The following MCC variants were observed in gnomAD, a reference collection of about 807,000 sequenced individuals.
MCC encodes the protein colorectal mutant cancer protein.
A neutral mutation model predicts 116.2 loss-of-function variants in MCC; 90 were observed. The ratio of observed to expected loss-of-function variants is 0.77; its 90% CI spans 0.65 to 0.92. The LOEUF (loss-of-function observed/expected upper bound fraction) is 0.92. MCC is among the 40% of genes least tolerant of loss of function. The pLI, the probability that MCC is intolerant of heterozygous loss-of-function variation, is 0.00. For missense variants in MCC, 1,516 were observed against 1,312.2 expected, an observed-to-expected ratio of 1.16 and a Z score of -2.40; for synonymous variants, 578 against 510.5, an observed-to-expected ratio of 1.13 and a Z score of -1.78.
At chr5:113,334,222 TG>T (rs958883025) in intron 3 of MCC, among the ~76,000 whole-genome samples, 1 of 150,012 alleles carries the variant, frequency 6.7e-6, no homozygotes, top group East Asian at 1.9e-4. Flanking sequence ...ATACACTTTT[TG>T]GGGGGATAGG....
chr5:113,416,784 A>G (rs371364785), intron 1 of MCC, among the ~76,000 whole-genome samples: 16 of 152,296 alleles, frequency 1.1e-4, no homozygotes, highest in African/African-American at 3.4e-4. Context: ...TACTTCTTCA[A>G]TAATAAACAG....
At position 113,022,960 on chromosome 5, in the gene MCC, A is replaced by G. The variant is rs1217329194; in HGVS notation, c.*4342T>C. On this transcript the variant is annotated 3_prime_UTR_variant, in exon 19 of 19. Coordinates refer to ENST00000408903, the MANE Select transcript of MCC (RefSeq NM_001085377.2). ...CAGTGTAACCTTTAAGCAAAAATGT[A>G]TGGTGATCTGCATGTGAAACTGTCT... is the stretch of plus-strand genomic sequence containing the variant. The G allele has an allele frequency of 6.6e-6, 1 of 152,240 alleles. No homozygotes were observed. Among genetic ancestry groups the G allele is most frequent in the Non-Finnish European group, 1.5e-5 (1 of 68,036 alleles). The allele number at this position is 152,240 out of a possible 1,614,324, so 9.4% of individuals were successfully genotyped here.
At chr5:113,087,659 A>G (rs1417180109) in intron 8 of MCC, among the ~76,000 whole-genome samples, 6 of 152,296 alleles carry the variant, frequency 3.9e-5, no homozygotes, top group Admixed American at 1.3e-4. Context: ...TGAGTCTGAT[A>G]AGGTCCTGAA....
chr5:113,441,612 C>T (rs1771044381), intron 1 of MCC, among the ~76,000 whole-genome samples: 1 of 152,122 alleles, frequency 6.6e-6, no homozygotes, highest in African/African-American at 2.4e-5. Flanking sequence ...ATCAACCCGT[C>T]ACCTACATTA....
At chr5:113,061,037 C>A (rs10064483) in intron 14 of MCC, among the ~76,000 whole-genome samples, 12,373 of 152,156 alleles carry the variant, frequency 0.081, 725 homozygotes, top group African/African-American at 0.16. Context: ...TTTTTTCTGC[C>A]CCAATGAAAC....
chr5:113,156,287 C>T (rs1057237299), intron 3 of MCC, among the ~76,000 whole-genome samples: 6 of 152,226 alleles, frequency 3.9e-5, no homozygotes, highest in African/African-American at 1.2e-4. Flanking sequence ...CTTATCTATG[C>T]CACTTGTTGG....
intron 1 of MCC, among the ~76,000 whole-genome samples, chr5:113,457,361 C>T (rs186525850): frequency 0.011 from 1,669 of 152,352 alleles, 16 homozygotes; most frequent in Middle Eastern, 0.024. Context: ...GATTTCTCGC[C>T]GGGCCTTAGC....
In MCC at chr5:113,224,691, C is replaced by T. The variant is rs374671696; in HGVS notation, c.628-73269G>A. On this transcript the variant is annotated intron_variant, in intron 3 of 18. Coordinates refer to ENST00000408903, the MANE Select transcript of MCC (RefSeq NM_001085377.2). ...CAAGCAGGAGTTAATAGAGGAAAAA[C>T]CTCAACTGAAAGGTCAGGAAAAGGA... Among the ~76,000 whole-genome samples the T allele has an allele frequency of 3.4e-4, 52 of 152,144 alleles. No homozygotes were observed. The South Asian group carries it at 0.01, about 30-fold the overall frequency.
In MCC at chr5:113,355,798, C is replaced by T. The variant is rs550855583; in HGVS notation, c.416-15068G>A. Among the ~76,000 whole-genome samples the T allele has an allele frequency of 2.6e-5, 4 of 152,194 alleles. No individual in the cohort carries two copies. The East Asian group carries it at 7.7e-4, about 29-fold the overall frequency. On this transcript the variant is annotated intron_variant, in intron 2 of 18. Coordinates refer to ENST00000408903, the MANE Select transcript of MCC (RefSeq NM_001085377.2). ...AACTTTAATTACCTTCCAAAGGCCC[C>T]ATCTCCAAATGCCATCACACTGGGG... is the stretch of plus-strand genomic sequence containing the variant.
intron 2 of MCC, among the ~76,000 whole-genome samples, chr5:113,341,490 A>G (rs1435696827): frequency 6.6e-6 from 1 of 152,170 alleles, no homozygotes; most frequent in East Asian, 1.9e-4. Context: ...CGACAGTATC[A>G]TGACTTTCTA....
intron 1 of MCC, among the ~76,000 whole-genome samples, chr5:113,451,185 C>A (rs1771382575): frequency 6.6e-6 from 1 of 152,212 alleles, no homozygotes. Flanking sequence ...TCAGTACACC[C>A]TTTCACTACT....
chr5:113,374,537 T>G (rs1040814088), intron 2 of MCC, among the ~76,000 whole-genome samples: 8 of 152,208 alleles, frequency 5.3e-5, no homozygotes, highest in African/African-American at 1.9e-4. Context: ...CAGACCGACT[T>G]ACGCCCGAGC....
At chr5:113,176,496 C>T (rs1481706437) in intron 3 of MCC, among the ~76,000 whole-genome samples, 1 of 152,250 alleles carries the variant, frequency 6.6e-6, no homozygotes, top group African/African-American at 2.4e-5. Flanking sequence ...GAGCAAGACA[C>T]TGTTCTCAAA....
At chr5:113,288,931 G>C (rs893747022) in intron 3 of MCC, among the ~76,000 whole-genome samples, 1 of 152,200 alleles carries the variant, frequency 6.6e-6, no homozygotes, top group Non-Finnish European at 1.5e-5. Flanking sequence ...TATCTGGGAA[G>C]TGCTTAGAAA....
chr5:113,370,195 C>G (rs1768803063), intron 2 of MCC, among the ~76,000 whole-genome samples: 1 of 152,176 alleles, frequency 6.6e-6, no homozygotes, highest in Non-Finnish European at 1.5e-5. Context: ...TAGCAGAACC[C>G]TCATAATCCC....
At chr5:113,402,486 G>C (rs186658650) in intron 1 of MCC, among the ~76,000 whole-genome samples, 3 of 152,132 alleles carry the variant, frequency 2.0e-5, no homozygotes, top group African/African-American at 7.2e-5. Flanking sequence ...TCAGCACATG[G>C]AGGATTTTTT....
chr5:113,456,340 C>T (rs749191977), intron 1 of MCC, among the ~76,000 whole-genome samples: 91 of 152,162 alleles, frequency 6.0e-4, no homozygotes, highest in Admixed American at 1.5e-3. Context: ...ATCTAAAATG[C>T]TTGAGATCAG....
chr5:113,080,919 T>G (rs987032529), intron 11 of MCC, among the ~76,000 whole-genome samples: 1 of 152,156 alleles, frequency 6.6e-6, no homozygotes, highest in Admixed American at 6.5e-5. Context: ...TTATTTGTTT[T>G]CTCTTTGGTC....
intron 3 of MCC, among the ~76,000 whole-genome samples, chr5:113,321,898 C>G (rs1301847551): frequency 6.6e-6 from 1 of 152,178 alleles, no homozygotes; most frequent in East Asian, 1.9e-4. Flanking sequence ...ATGGTGCCAT[C>G]TTGGCTCACT....
Sources: allele counts gnomAD v4.1 joint callset (sites outside exome capture counted in the v4.1 genomes callset), GRCh38; gene constraint gnomAD v4.1.1; transcripts MANE v1.5; gene names NCBI Gene and HGNC (gene_info 2026-07-23, HGNC 2026-07-21).